The following ZNF596 variants were observed in gnomAD, a reference collection of about 807,000 sequenced individuals.
ZNF596 encodes the protein zinc finger protein 596.
ZNF596 carries 45 observed loss-of-function variants against 48.3 expected under a neutral mutation model. The observed-to-expected ratio is 0.93, with a 90% CI of 0.73 to 1.19. ZNF596 has a LOEUF of 1.19. ZNF596 is among the 50% of genes most tolerant of loss of function. The pLI, the probability that ZNF596 is intolerant of heterozygous loss-of-function variation, is 0.00. For synonymous variants in ZNF596, 270 were observed against 202.0 expected, an observed-to-expected ratio of 1.34 and a Z score of -2.85; for missense variants, 848 against 599.7, an observed-to-expected ratio of 1.41 and a Z score of -4.32.
chr8:241,834 C>G (rs1189551894), intron 2 of ZNF596, among the ~76,000 whole-genome samples: 1 of 152,154 alleles, frequency 6.6e-6, no homozygotes, highest in Non-Finnish European at 1.5e-5. Flanking sequence ...TAACAGGAAG[C>G]ATGACTGGGA....
At chr8:244,331 G>A (rs1374919648) in intron 4 of ZNF596, 2 of 348,726 alleles carry the variant, frequency 5.7e-6, no homozygotes, top group African/African-American at 4.3e-5. Flanking sequence ...TTTTGTAAAG[G>A]GGATATTTGT....
chr8:239,146 A>G (rs987813193), intron 1 of ZNF596, among the ~76,000 whole-genome samples: 4 of 152,124 alleles, frequency 2.6e-5, no homozygotes, highest in African/African-American at 9.7e-5. Context: ...AAAAGTGAAG[A>G]AACTGTCTGT....
upstream of ZNF596, chr8:232,422 G>A (rs1333400773): frequency 8.3e-6 from 2 of 240,398 alleles, no homozygotes; most frequent in East Asian, 1.8e-4. Context: ...TCGGGTGAGT[G>A]CCCTCCGCTT....
At chr8:245,085 G>T in intron 5 of ZNF596, 69 bp from the exon 6 acceptor site, 1 of 1,486,166 alleles carries the variant, frequency 6.7e-7, no homozygotes, top group Non-Finnish European at 9.0e-7. Context: ...AATATGTAGA[G>T]AAATGAATGA....
intron 1 of ZNF596, among the ~76,000 whole-genome samples, chr8:238,248 CTG>C (rs540118269): frequency 1.3e-5 from 2 of 152,168 alleles, no homozygotes; most frequent in East Asian, 3.9e-4. Context: ...CCCCATGGTT[CTG>C]TGAGACTGGT....
At chr8:243,205 T>A (rs1274351449) in intron 3 of ZNF596, 192 bp downstream of exon 3, 1 of 429,036 alleles carries the variant, frequency 2.3e-6, no homozygotes, top group East Asian at 3.8e-5. Context: ...TTATATTGAT[T>A]TGTCCTCTCT....
intron 1 of ZNF596, 149 bp downstream of exon 1, chr8:232,843 C>T (rs1796466585): frequency 4.5e-6 from 2 of 449,120 alleles, no homozygotes. Flanking sequence ...CTCCGCAAAC[C>T]CCACGCTTCG....
chr8:239,314 G>C (rs995705907), intron 1 of ZNF596, among the ~76,000 whole-genome samples: 2 of 152,052 alleles, frequency 1.3e-5, no homozygotes, highest in Non-Finnish European at 1.5e-5. Flanking sequence ...TCAGCCTCCC[G>C]AATAGCTGAG....
In ZNF596 at chr8:246,127, C is replaced by T; in HGVS notation, c.1280C>T (p.Ala427Val). 2 of 1,613,510 alleles carry T rather than the reference C, an allele frequency of 1.2e-6. No homozygotes were observed. Among genetic ancestry groups the T allele is most frequent in the Non-Finnish European group, 1.7e-6 (2 of 1,179,460 alleles). Residue 427 changes from alanine (A) to valine (V), a missense_variant, in exon 6 of 6, where the codon GCC becomes GTC. Coordinates refer to ENST00000398612, the MANE Select transcript of ZNF596 (RefSeq NM_001042416.3). ...KPYECHLCGKAFNHSSVLRRH... is the reference protein window; with the variant it reads ...KPYECHLCGKVFNHSSVLRRH... The stretch of plus-strand genomic sequence containing the variant: ...TATGAATGCCATCTATGCGGAAAAG[C>T]CTTCAATCACTCTTCTGTCCTTAGA...
chr8:245,822 TGAAA>T lies in ZNF596; in HGVS notation c.979_982del (p.Arg327LeufsTer175). ...GTAAATGTTCTTACCTTAGACAACA[TGAAA>T]GAACTCACAATGGAGAGAAACCATA... On this transcript the variant is annotated frameshift_variant, in exon 6 of 6. Transcript: ENST00000398612. LOFTEE classifies it high-confidence loss of function. 6.2e-7 allele frequency: 1 copy of T among 1,614,072 alleles called. No homozygotes were observed. The highest frequency in any genetic ancestry group is 8.5e-7 in the Non-Finnish European group (1 of 1,179,996).
chr8:244,007 C>T, intron 4 of ZNF596: 1 of 407,880 alleles, frequency 2.5e-6, no homozygotes, highest in Non-Finnish European at 4.5e-6. Flanking sequence ...CTTGCCTCAG[C>T]CTCCCGAGTA....
intron 2 of ZNF596, among the ~76,000 whole-genome samples, chr8:241,735 A>G (rs1187498832): frequency 6.6e-6 from 1 of 152,228 alleles, no homozygotes; most frequent in Non-Finnish European, 1.5e-5. Context: ...CTAGTGCATT[A>G]GTCCATTTTC....
In ZNF596 at chr8:240,821, C is replaced by T. The variant is rs1796823413; in HGVS notation, c.-72-3C>T. 1 of 1,583,502 alleles carries T rather than the reference C, an allele frequency of 6.3e-7. No homozygotes were observed. On this transcript the variant is annotated splice_region_variant and splice_polypyrimidine_tract_variant and intron_variant, in intron 1 of 5. Transcript: ENST00000398612. ...TTTTGTTTTTGTTTTTGTTTTTGCT[C>T]AGATTTGTCTTCTTAGTGCTTGGAT...
chr8:245,449 G>T lies in ZNF596; in HGVS notation c.602G>T (p.Gly201Val), dbSNP rs1322210432. ...REITLECRVC[G>V]KTFSKNSNLR... Reference sequence around the variant, plus strand: ...ATAACATTGGAATGTCGTGTGTGTGGGAAAACCTTTAGCAAAAATTCTAAT... The same window carrying T: ...ATAACATTGGAATGTCGTGTGTGTGTGAAAACCTTTAGCAAAAATTCTAAT... The change falls in exon 6 of 6, where the codon GGG becomes GTG. Residue 201 changes from glycine (G) to valine (V), a missense_variant. Coordinates refer to ENST00000398612, the MANE Select transcript of ZNF596 (RefSeq NM_001042416.3). 1 of 1,614,112 alleles carries T rather than the reference G, an allele frequency of 6.2e-7. No individual in the cohort carries two copies. Among genetic ancestry groups the T allele is most frequent in the South Asian group, 1.1e-5 (1 of 91,084 alleles).
chr8:239,324 G>C (rs985918262), intron 1 of ZNF596, among the ~76,000 whole-genome samples: 4 of 152,252 alleles, frequency 2.6e-5, no homozygotes, highest in African/African-American at 9.6e-5. Context: ...GAATAGCTGA[G>C]ATTACAGGTG....
rs761298475 is a variant in ZNF596 at position 245,836 on chromosome 8, A to G, written c.989A>G (p.Asn330Ser). The G allele has an allele frequency of 5.6e-5, 91 of 1,613,528 alleles. No homozygotes were observed. Among genetic ancestry groups the G allele is most frequent in the Non-Finnish European group, 7.3e-5 (86 of 1,179,908 alleles). The part of the protein sequence containing the change: ...SYLRQHERTH[N>S]GEKPYECHLC... ...CTTAGACAACATGAAAGAACTCACA[A>G]TGGAGAGAAACCATATGAATGTCAT... is the stretch of plus-strand genomic sequence containing the variant. The change falls in exon 6 of 6, where the codon AAT (asparagine) becomes AGT (serine). Residue 330 changes from asparagine to serine, a missense_variant. Physicochemically the swap from Asn to Ser is conservative, Grantham distance 46. Coordinates refer to ENST00000398612, the MANE Select transcript of ZNF596 (RefSeq NM_001042416.3).
intron 1 of ZNF596, chr8:233,002 G>A (rs28488353): frequency 0.087 from 40,609 of 468,198 alleles, 1,858 homozygotes; most frequent in East Asian, 0.2. Flanking sequence ...TGAGAAGCGG[G>A]CTCTTCCTTG....
chr8:241,049 T>G, intron 2 of ZNF596, 142 bp downstream of exon 2: 1 of 1,046,520 alleles, frequency 9.6e-7, no homozygotes, highest in Non-Finnish European at 1.5e-6. Context: ...TCGGAATGTT[T>G]ACATTGGCTC....
In ZNF596 at chr8:246,509, T is replaced by G; in HGVS notation, c.*147T>G. Reference sequence around the variant, plus strand: ...GAATTCAAGGTAGAGAGAATCCAGATGTATTTAATGTTTATGGCACAAACT... The same window carrying G: ...GAATTCAAGGTAGAGAGAATCCAGAGGTATTTAATGTTTATGGCACAAACT... On this transcript the variant is annotated 3_prime_UTR_variant, in exon 6 of 6. Transcript: ENST00000398612. 1 of 1,024,676 alleles carries G rather than the reference T, an allele frequency of 9.8e-7. No homozygotes were observed. The allele number at this position is 1,024,676 out of a possible 1,614,324, so 63.5% of individuals were successfully genotyped here.
Sources: gnomAD v4.1 joint callset for allele counts (sites outside exome capture counted in the v4.1 genomes callset) on GRCh38, gnomAD v4.1.1 for gene constraint, MANE v1.5 for transcripts, NCBI Gene and HGNC (gene_info 2026-07-23, HGNC 2026-07-21) for gene names.